TACC2: variants seen among roughly 807,000 people sequenced by gnomAD.
TACC2 encodes transforming acidic coiled-coil-containing protein 2.
A neutral mutation model predicts 227.3 loss-of-function variants in TACC2; 137 were observed. That is an observed-to-expected ratio of 0.60 (90% CI 0.52 to 0.69). TACC2 has a LOEUF of 0.69. Ranked by LOEUF, TACC2 falls within the 30% of genes least tolerant of loss-of-function variation. The pLI is 0.00. For missense variants in TACC2, 3,470 were observed against 3,694.4 expected (o/e 0.94, Z 1.57); for synonymous variants, 1,523 against 1,487.5 (o/e 1.02, Z -0.55).
chr10:122,125,583 G>T (rs1049939289), intron 5 of TACC2, among the ~76,000 whole-genome samples: 6 of 152,050 alleles, frequency 3.9e-5, no homozygotes, highest in Admixed American at 1.3e-4. Flanking sequence ...CTAGACCCTG[G>T]GTGTCTGCTT....
At position 122,209,084 on chromosome 10, in the gene TACC2, G is replaced by A. The variant is rs2095222973; in HGVS notation, c.5972-1313G>A. Among the ~76,000 whole-genome samples the A allele has an allele frequency of 6.6e-6, 1 of 152,220 alleles. No individual in the cohort carries two copies. The highest frequency in any genetic ancestry group is 1.5e-5 in the Non-Finnish European group (1 of 68,040). ...CATTTGCAGCATCTGCAGCATGTTT[G>A]GGAAATAGGAGCAACCTCCTTGACT... On this transcript the variant is annotated intron_variant, in intron 8 of 22. Transcript: ENST00000369005. This position sits in a 1 kb window ranked among gnomAD's most constrained non-coding sequence, Gnocchi z 4.5.
intron 3 of TACC2, among the ~76,000 whole-genome samples, chr10:122,072,009 C>T (rs1168832472): frequency 1.5e-5 from 2 of 131,040 alleles, no homozygotes; most frequent in Non-Finnish European, 3.2e-5. Flanking sequence ...GATGGAGTCT[C>T]ACTCTGTTGC....
chr10:122,117,814 C>G (rs11200408), intron 5 of TACC2, among the ~76,000 whole-genome samples: 26,804 of 152,034 alleles, frequency 0.18, 3,226 homozygotes, highest in Non-Finnish European at 0.27. Context: ...GACTGTTCCC[C>G]CAGTGGGGCA....
At position 122,072,047 on chromosome 10, in the gene TACC2, C is replaced by T. The variant is rs1327806545; in HGVS notation, c.147-10600C>T. On this transcript the variant is annotated intron_variant, in intron 3 of 22. Transcript: ENST00000369005. ...AGGTTGGAGTGCAGTGGCGCGATCT[C>T]AGCTCACTGCAAGCTCCTCCTCTCG... is the stretch of plus-strand genomic sequence containing the variant. Among the ~76,000 whole-genome samples the T allele has an allele frequency of 2.1e-5, 3 of 143,542 alleles. No individual in the cohort carries two copies. The East Asian group carries it at 6.3e-4, about 30-fold the overall frequency. The allele number at this position is 143,542 out of a possible 152,430, so 94.2% of individuals were successfully genotyped here. A position where few individuals can be genotyped will look rare whatever the true frequency, so the allele number is the denominator to read the frequency against.
chr10:122,236,129 G>A (rs1374217273), intron 16 of TACC2, among the ~76,000 whole-genome samples: 1 of 152,118 alleles, frequency 6.6e-6, no homozygotes, highest in Non-Finnish European at 1.5e-5. Context: ...CCCTGATGCT[G>A]TCGTAGGGTA....
chr10:122,048,282 T>A (rs2075260898), intron 2 of TACC2, among the ~76,000 whole-genome samples: 1 of 152,114 alleles, frequency 6.6e-6, no homozygotes, highest in African/African-American at 2.4e-5. Context: ...ACTATCTTCC[T>A]GGGGTGCCCT....
rs1204067284 is a variant in TACC2, at chr10:122,087,158, G to T, written c.4658G>T (p.Arg1553Met). 6.2e-7 allele frequency: 1 copy of T among 1,611,432 alleles called. No individual in the cohort carries two copies. The highest frequency in any genetic ancestry group is 2.2e-5 in the East Asian group (1 of 44,876). ...GQAYSQLERS[R>M]QELASGLPSP... ...GCTTACTCACAGCTGGAGAGGAGCA[G>T]GCAGGAATTAGCTTCAGGTCTTCCT... Residue 1553 changes from arginine (R) to methionine (M), a missense_variant, in exon 4 of 23, where the codon AGG becomes ATG. Around this residue, in one of 10 missense-constraint regions of TACC2, gnomAD observed 1,924 missense variants for 1,978.3 expected, o/e 0.97. Transcript: ENST00000369005.
chr10:122,243,091 C>T (rs576213991), intron 19 of TACC2, among the ~76,000 whole-genome samples: 1 of 152,270 alleles, frequency 6.6e-6, no homozygotes, highest in African/African-American at 2.4e-5. Context: ...TTATAGGCAT[C>T]TGCCATCATG....
intron 7 of TACC2, among the ~76,000 whole-genome samples, chr10:122,179,923 TA>T (rs143106411): frequency 3.2e-4 from 47 of 148,712 alleles, no homozygotes; most frequent in Non-Finnish European, 5.5e-4. Flanking sequence ...CTACAAAAAA[TA>T]AAAAAAAAAT....
intron 1 of TACC2, among the ~76,000 whole-genome samples, chr10:122,012,346 G>C (rs905691621): frequency 1.3e-5 from 2 of 150,618 alleles, no homozygotes. Flanking sequence ...CTTGAACCCA[G>C]GAGGCGGGGG....
At chr10:122,200,330 C>T (rs1434086840) in intron 8 of TACC2, among the ~76,000 whole-genome samples, 8 of 152,138 alleles carry the variant, frequency 5.3e-5, no homozygotes, top group Non-Finnish European at 8.8e-5. Context: ...CTGCATAGAG[C>T]CAGGTGAGGA....
intron 1 of TACC2, among the ~76,000 whole-genome samples, chr10:122,014,867 A>G (rs7919547): frequency 0.46 from 69,313 of 152,010 alleles, 15,952 homozygotes; most frequent in South Asian, 0.6. Context: ...GGATCACATG[A>G]GATGGTACCT....
chr10:122,169,508 A>G (rs1209234124), intron 7 of TACC2, among the ~76,000 whole-genome samples: 3 of 152,216 alleles, frequency 2.0e-5, no homozygotes, highest in Non-Finnish European at 4.4e-5. Context: ...AAAAGCAGCC[A>G]GAGACAACAT....
intron 21 of TACC2, 80 bp downstream of exon 21, chr10:122,249,236 C>A: frequency 1.9e-6 from 2 of 1,063,076 alleles, no homozygotes; most frequent in Non-Finnish European, 1.4e-6. Context: ...CCTCTGGCAG[C>A]GCCTGTGACA....
intron 11 of TACC2, among the ~76,000 whole-genome samples, chr10:122,218,144 A>G (rs2095448529): frequency 6.6e-6 from 1 of 151,692 alleles, no homozygotes; most frequent in Non-Finnish European, 1.5e-5. Flanking sequence ...AGAGTTTCAC[A>G]GTGTTGGTCA....
intron 5 of TACC2, among the ~76,000 whole-genome samples, chr10:122,117,227 G>A (rs2084867958): frequency 7.3e-6 from 1 of 137,144 alleles, no homozygotes; most frequent in African/African-American, 2.7e-5. Context: ...ACAGAGTCTC[G>A]CTCTGTCACC....
At position 122,205,905 on chromosome 10, in the gene TACC2, C is replaced by G. The variant is rs1375200802; in HGVS notation, c.5972-4492C>G. ...GCCTACTTAAAATGGACACCTTTTC[C>G]CAGAATAAATATTACTAACTGAAGA... On this transcript the variant is annotated intron_variant, in intron 8 of 22. Transcript: ENST00000369005. The surrounding 1 kb of genome is among the most constrained non-coding windows in gnomAD (Gnocchi z 4.5). Among the ~76,000 whole-genome samples the G allele has an allele frequency of 3.9e-5, 6 of 152,186 alleles. No homozygotes were observed. The highest frequency in any genetic ancestry group is 1.4e-4 in the African/African-American group (6 of 41,454).
chr10:122,192,926 C>T (rs368947968), intron 7 of TACC2: 9 of 364,250 alleles, frequency 2.5e-5, no homozygotes, highest in Non-Finnish European at 4.4e-5. Context: ...GATCTGAACT[C>T]TCATTCTTCT....
chr10:122,198,580 T>TG (rs1565584345), intron 8 of TACC2, among the ~76,000 whole-genome samples: 1 of 152,252 alleles, frequency 6.6e-6, no homozygotes, highest in East Asian at 1.9e-4. Flanking sequence ...ATCAGCCGTA[T>TG]GCACACAGCA....
Sources: allele counts gnomAD v4.1 joint callset (sites outside exome capture counted in the v4.1 genomes callset), GRCh38; gene constraint gnomAD v4.1.1; regional missense constraint gnomAD v4.1.1; non-coding constraint Gnocchi (gnomAD v3.1); transcripts MANE v1.5; gene names NCBI Gene and HGNC (gene_info 2026-07-23, HGNC 2026-07-21).